DNAH1: variants seen among roughly 807,000 people sequenced by gnomAD.
DNAH1 encodes axonemal beta dynein heavy chain 1.
Under a neutral mutation model 484.3 loss-of-function variants are expected in DNAH1, and 327 were observed. That is an observed-to-expected ratio of 0.68 (90% confidence interval 0.62 to 0.74). The LOEUF (loss-of-function observed/expected upper bound fraction) is 0.74, where lower values mean the gene tolerates loss of function less well. DNAH1 is among the 30% of genes least tolerant of loss of function. The probability of loss-of-function intolerance (pLI) is 0.00; values close to 1 mark genes in which losing one functional copy is unlikely to be tolerated. For missense variants in DNAH1, 5,052 were observed against 5,546.8 expected, an observed-to-expected ratio of 0.91 and a Z score of 2.83; for synonymous variants, 2,192 against 2,191.9, an observed-to-expected ratio of 1.00 and a Z score of 0.00.
In DNAH1 at chr3:52,323,685, C is replaced by A. The variant is rs1701231497; in HGVS notation, c.334-123C>A. 6.1e-6 allele frequency: 4 copies of A among 651,192 alleles called. No individual in the cohort carries two copies. In the East Asian group the frequency reaches 8.3e-5, roughly 13 times the overall value. The allele number at this position is 651,192 out of a possible 1,614,324, so 40.3% of individuals were successfully genotyped here. A position where few individuals can be genotyped will look rare whatever the true frequency, so the allele number is the denominator to read the frequency against. On this transcript the variant is annotated intron_variant, in intron 2 of 77. Coordinates refer to ENST00000420323, the MANE Select transcript of DNAH1 (RefSeq NM_015512.5). ...TGCATACTCACTGGTTCTGCCCACT[C>A]CTGTGCTCCTGGAGTGCTCCCTGGT...
intron 6 of DNAH1, among the ~76,000 whole-genome samples, chr3:52,329,519 A>G (rs1213153692): frequency 2.0e-5 from 3 of 151,956 alleles, no homozygotes. Flanking sequence ...AGTCTGTAGA[A>G]CTCAAACAAA....
chr3:52,398,997 C>G lies in DNAH1; in HGVS notation c.12237C>G (p.Ala4079=). The change falls in exon 76 of 78, where the codon GCC becomes GCG. Residue 4079 remains alanine, a synonymous_variant. Coordinates refer to ENST00000420323, the MANE Select transcript of DNAH1 (RefSeq NM_015512.5). ...NTVPELWSAK[A]YPSLKPLSSW... The stretch of plus-strand genomic sequence containing the variant: ...TGCCTGAGCTCTGGAGTGCCAAGGC[C>G]TACCCATCGCTCAAGCCTCTGTCAT... 1 of 1,613,976 alleles carries G rather than the reference C, an allele frequency of 6.2e-7. No homozygotes were observed. Among genetic ancestry groups the G allele is most frequent in the Non-Finnish European group, 8.5e-7 (1 of 1,179,870 alleles).
chr3:52,395,826 C>T lies in DNAH1; in HGVS notation c.11259+148C>T, dbSNP rs563164579. On this transcript the variant is annotated intron_variant, in intron 70 of 77. Transcript: ENST00000420323. This position sits in a 1 kb window ranked among gnomAD's most constrained non-coding sequence, Gnocchi z 4.4. The stretch of plus-strand genomic sequence containing the variant: ...TCAGCAACTGACATGTGCCACACAT[C>T]GACATCATTAATCCTCTCAATCCAC... 31 of 1,200,952 alleles carry T rather than the reference C, an allele frequency of 2.6e-5. No individual in the cohort carries two copies. Among genetic ancestry groups the T allele is most frequent in the South Asian group, 1.5e-5 (1 of 66,502 alleles). The allele number at this position is 1,200,952 out of a possible 1,614,324, so 74.4% of individuals were successfully genotyped here.
chr3:52,393,088 T>C (rs1704468371), intron 65 of DNAH1, 63 bp downstream of exon 65: 3 of 1,565,722 alleles, frequency 1.9e-6, no homozygotes, highest in Non-Finnish European at 2.6e-6. Context: ...ACATTTCCAC[T>C]GTGGGGCACA....
rs1019529959 is a variant in DNAH1 at position 52,395,878 on chromosome 3, G to A, written c.11259+200G>A. On this transcript the variant is annotated intron_variant, in intron 70 of 77. Transcript: ENST00000420323. This position sits in a 1 kb window ranked among gnomAD's most constrained non-coding sequence, Gnocchi z 4.4. ...CCCACCCCCAGTTACCTGTACAAGC[G>A]GTGATGTGACTTGTCCAGGGACACC... Among the ~76,000 whole-genome samples the A allele has an allele frequency of 4.0e-5, 6 of 151,554 alleles. No individual in the cohort carries two copies. The highest frequency in any genetic ancestry group is 7.4e-5 in the Non-Finnish European group (5 of 67,956).
chr3:52,374,543 C>A (rs910269672), intron 44 of DNAH1: 1 of 1,497,458 alleles, frequency 6.7e-7, no homozygotes, highest in African/African-American at 1.4e-5. Context: ...AGCCCCTCTT[C>A]CGGCAGTTGG....
chr3:52,335,519 G>A (rs1305456466), intron 8 of DNAH1, among the ~76,000 whole-genome samples: 3 of 151,616 alleles, frequency 2.0e-5, no homozygotes, highest in African/African-American at 7.3e-5. Context: ...ATGTTGGCCA[G>A]GTTGGTTTTG....
At chr3:52,357,240 G>A (rs1335647597) in intron 22 of DNAH1, among the ~76,000 whole-genome samples, 2 of 151,946 alleles carry the variant, frequency 1.3e-5, no homozygotes, top group Admixed American at 6.6e-5. Flanking sequence ...ATTTAGTGGA[G>A]CCGGGATTTC....
At chr3:52,354,037 T>C (rs1173122056) in intron 20 of DNAH1, among the ~76,000 whole-genome samples, 1 of 151,636 alleles carries the variant, frequency 6.6e-6, no homozygotes, top group Non-Finnish European at 1.5e-5. Flanking sequence ...CTACAAAAAA[T>C]TAAGATATTA....
rs1701185728 is a variant in DNAH1 at position 52,322,552 on chromosome 3, A to AC, written c.113dup (p.Lys40GlufsTer17). The stretch of plus-strand genomic sequence containing the variant: ...GGGACCCACAGGGGCCTAGAGTATA[A>AC]CCCGGGGAAGATTCTTCCAGGATCA... On this transcript the variant is annotated frameshift_variant, in exon 2 of 78. Transcript: ENST00000420323. LOFTEE classifies it high-confidence loss of function. 1.2e-6 allele frequency: 2 copies of AC among 1,613,606 alleles called. No homozygotes were observed. The highest frequency in any genetic ancestry group is 1.6e-4 in the Middle Eastern group (1 of 6,082).
chr3:52,326,935 T>C (rs1486706023), intron 5 of DNAH1, 44 bp downstream of exon 5: 1 of 1,589,546 alleles, frequency 6.3e-7, no homozygotes, highest in South Asian at 1.1e-5. Context: ...GGGGCAGAAG[T>C]GCAGGACCCC....
intron 43 of DNAH1, 104 bp from the exon 44 acceptor site, chr3:52,372,792 T>G (rs1703401204): frequency 4.1e-6 from 6 of 1,471,896 alleles, no homozygotes; most frequent in Non-Finnish European, 4.5e-6. Flanking sequence ...GAGGCTAAAA[T>G]TTAGCAAGGG....
rs758662270 is a variant in DNAH1, at chr3:52,400,489, A to T, written c.*43A>T. The T allele has an allele frequency of 3.7e-6, 6 of 1,613,316 alleles. No homozygotes were observed. The highest frequency in any genetic ancestry group is 5.1e-6 in the Non-Finnish European group (6 of 1,179,418). ...GGGGCCATTAAAGCTGAATTTTCTA[A>T]GCAGTCCAGCTGTGCCTTAGCTGCT... On this transcript the variant is annotated 3_prime_UTR_variant, in exon 78 of 78. Coordinates refer to ENST00000420323, the MANE Select transcript of DNAH1 (RefSeq NM_015512.5).
chr3:52,376,207 C>T lies in DNAH1; in HGVS notation c.7198+214C>T, dbSNP rs114433304. Among the ~76,000 whole-genome samples the T allele has an allele frequency of 6.0e-3, 915 of 152,290 alleles. 8 individuals carry two copies. The highest frequency in any genetic ancestry group is 9.5e-3 in the Non-Finnish European group (649 of 68,024). On this transcript the variant is annotated intron_variant, in intron 46 of 77. Transcript: ENST00000420323. Reference sequence around the variant, plus strand: ...CATTCTTAGAGCCCTTCCATGCCTGCGTTAGTGTCCAGCTGATGATAGATG... The same window carrying T: ...CATTCTTAGAGCCCTTCCATGCCTGTGTTAGTGTCCAGCTGATGATAGATG...
rs146418182 is a variant in DNAH1 at position 52,365,212 on chromosome 3, G to A, written c.5518+193G>A. 8.9e-4 allele frequency among the ~76,000 whole-genome samples: 135 copies of A among 152,304 alleles called. 1 individual carries two copies. Among genetic ancestry groups the A allele is most frequent in the African/African-American group, 2.4e-3 (98 of 41,556 alleles). ...CCCGGCCCAGTCTCCACCAAAACCC[G>A]CCTGGTGGTGGGGAGGCAGGCGTTG... On this transcript the variant is annotated intron_variant, in intron 34 of 77. Coordinates refer to ENST00000420323, the MANE Select transcript of DNAH1 (RefSeq NM_015512.5).
In DNAH1 at chr3:52,360,365, C is replaced by T. The variant is rs761791973; in HGVS notation, c.4626C>T (p.Ile1542=). 11 of 1,613,906 alleles carry T rather than the reference C, an allele frequency of 6.8e-6. No individual in the cohort carries two copies. The African/African-American group carries it at 1.2e-4, about 18-fold the overall frequency. Residue 1542 remains isoleucine (I), a synonymous_variant, in exon 28 of 78, where the codon ATC becomes ATT. Coordinates refer to ENST00000420323, the MANE Select transcript of DNAH1 (RefSeq NM_015512.5). The part of the protein sequence containing the change: ...LYIRAVNAEF[I]YGYEYLGNSG... ...TCCGTGCTGTGAATGCTGAGTTCAT[C>T]TATGGCTATGAGTACCTGGGCAACA... is the stretch of plus-strand genomic sequence containing the variant.
At chr3:52,383,261 C>G in intron 50 of DNAH1, 125 bp from the exon 51 acceptor site, 5 of 855,352 alleles carry the variant, frequency 5.8e-6, no homozygotes, top group Non-Finnish European at 9.2e-6. Flanking sequence ...TTTTGTGACT[C>G]TGGGCTTCTC....
At chr3:52,373,968 T>C (rs981350577) in intron 44 of DNAH1, 6 of 1,189,276 alleles carry the variant, frequency 5.0e-6, no homozygotes, top group African/African-American at 4.6e-5. Context: ...TCTACACTTA[T>C]TTATGAATTT....
chr3:52,360,137 A>G (rs1438680945), intron 27 of DNAH1, 58 bp downstream of exon 27: 38 of 1,608,402 alleles, frequency 2.4e-5, no homozygotes, highest in Non-Finnish European at 3.0e-5. Context: ...GGGCAGGGGA[A>G]AAGAGAAAAG....
Sources: gnomAD v4.1 joint callset for allele counts (sites outside exome capture counted in the v4.1 genomes callset) on GRCh38, gnomAD v4.1.1 for gene constraint, Gnocchi (gnomAD v3.1) non-coding constraint, MANE v1.5 for transcripts, NCBI Gene and HGNC (gene_info 2026-07-23, HGNC 2026-07-21) for gene names.